Variants in VPS37A observed in about 807,000 individuals in gnomAD.
VPS37A encodes the protein VPS37A subunit of ESCRT-I, also known as vacuolar protein sorting-associated protein 37A.
Under a neutral mutation model 49.8 loss-of-function variants are expected in VPS37A, and 30 were observed. That is an observed-to-expected ratio of 0.60 (90% confidence interval 0.45 to 0.82). VPS37A has a LOEUF of 0.82. Among genes scored for constraint, VPS37A ranks in the 40% least tolerant of loss-of-function variants. VPS37A has a pLI of 0.00. For synonymous variants in VPS37A, 195 were observed against 160.6 expected (o/e 1.21, Z -1.62); for missense variants, 593 against 464.4 (o/e 1.28, Z -2.55).
At chr8:17,249,034 G>T (rs1811733454) in intron 1 of VPS37A, among the ~76,000 whole-genome samples, 2 of 152,150 alleles carry the variant, frequency 1.3e-5, no homozygotes, top group African/African-American at 2.4e-5. Flanking sequence ...TACCAAACCA[G>T]TCCTGCTATT....
chr8:17,302,675 C>T (rs556050114), downstream of VPS37A, among the ~76,000 whole-genome samples: 1 of 116,628 alleles, frequency 8.6e-6, no homozygotes, highest in Non-Finnish European at 1.7e-5. Context: ...ATCACGACCA[C>T]TAAAAGTTGA....
downstream of VPS37A, among the ~76,000 whole-genome samples, chr8:17,306,453 C>G (rs964550198): frequency 7.9e-5 from 12 of 151,950 alleles, no homozygotes; most frequent in Non-Finnish European, 1.3e-4. Context: ...GCGGTTAAAG[C>G]TTATCACGTG....
At chr8:17,309,287 A>G in the VPS37A span, 1 of 1,549,322 alleles carries the variant, frequency 6.5e-7, no homozygotes, top group South Asian at 1.1e-5. Flanking sequence ...CGGTGATTAA[A>G]CTTATGACCA....
At chr8:17,303,957 T>G (rs902312162), downstream of VPS37A, among the ~76,000 whole-genome samples, 1 of 152,204 alleles carries the variant, frequency 6.6e-6, no homozygotes, top group Non-Finnish European at 1.5e-5. Flanking sequence ...ATTACGTTGG[T>G]GCAAAAGTAA....
At chr8:17,310,159 G>A in the VPS37A span, among the ~76,000 whole-genome samples, 1 of 151,854 alleles carries the variant, frequency 6.6e-6, no homozygotes. Context: ...CACCACACCT[G>A]GCTAATTTTT....
chr8:17,255,910 T>C (rs1323536697), intron 1 of VPS37A, among the ~76,000 whole-genome samples: 1 of 152,244 alleles, frequency 6.6e-6, no homozygotes, highest in African/African-American at 2.4e-5. Flanking sequence ...TTGTGTATTA[T>C]GCCACATTTT....
chr8:17,306,451 A>G (rs1265163144), downstream of VPS37A, among the ~76,000 whole-genome samples: 1 of 152,074 alleles, frequency 6.6e-6, no homozygotes, highest in Non-Finnish European at 1.5e-5. Context: ...AAGCGGTTAA[A>G]GCTTATCACG....
At chr8:17,260,949 C>A (rs1238093561) in intron 1 of VPS37A, among the ~76,000 whole-genome samples, 1 of 152,058 alleles carries the variant, frequency 6.6e-6, no homozygotes, top group Admixed American at 6.5e-5. Flanking sequence ...CTAGGAGTAG[C>A]CTTATTTGTG....
chr8:17,297,827 A>C lies in VPS37A; in HGVS notation c.*2841A>C, dbSNP rs1458551528. ...AGCAATAAATGTAACCTTTTATATA[A>C]ATCTCAGTGCTAGGTTAACTTCTAA... On this transcript the variant is annotated 3_prime_UTR_variant, in exon 12 of 12. Coordinates refer to ENST00000324849, the MANE Select transcript of VPS37A (RefSeq NM_152415.3). 6.7e-6 allele frequency: 1 copy of C among 149,360 alleles called. No individual in the cohort carries two copies. The highest frequency in any genetic ancestry group is 2.5e-5 in the African/African-American group (1 of 40,268). The allele number at this position is 149,360 out of a possible 1,614,324, so 9.3% of individuals were successfully genotyped here.
chr8:17,273,785 A>C (rs1814240186), intron 4 of VPS37A, among the ~76,000 whole-genome samples: 1 of 152,076 alleles, frequency 6.6e-6, no homozygotes, highest in Non-Finnish European at 1.5e-5. Flanking sequence ...ATTTAAAAAA[A>C]ATGTTTTCTT....
At chr8:17,272,090 G>T (rs961773195) in intron 4 of VPS37A, 1 of 456,428 alleles carries the variant, frequency 2.2e-6, no homozygotes, top group Non-Finnish European at 4.4e-6. Context: ...CCATATTATT[G>T]CATGCAGCAG....
intron 1 of VPS37A, among the ~76,000 whole-genome samples, chr8:17,252,319 T>A (rs941352548): frequency 2.0e-5 from 3 of 151,986 alleles, no homozygotes; most frequent in African/African-American, 7.2e-5. Flanking sequence ...GCCTGGCTCA[T>A]AAGTTTAATT....
At chr8:17,302,693 A>G (rs139018964), downstream of VPS37A, among the ~76,000 whole-genome samples, 26 of 73,796 alleles carry the variant, frequency 3.5e-4, no homozygotes, top group African/African-American at 1.1e-3. Flanking sequence ...TGACATTTGC[A>G]TTGGCAATAA....
At chr8:17,289,983 C>G (rs900833519) in intron 11 of VPS37A, among the ~76,000 whole-genome samples, 6 of 151,894 alleles carry the variant, frequency 4.0e-5, no homozygotes, top group Admixed American at 3.3e-4. Context: ...TGGGAGTTCA[C>G]TCATGATTTG....
chr8:17,313,126 C>T, the VPS37A span, among the ~76,000 whole-genome samples: 4 of 152,184 alleles, frequency 2.6e-5, no homozygotes, highest in African/African-American at 9.7e-5. Flanking sequence ...TGTATTCTTT[C>T]GCAAAATCAT....
the VPS37A span, chr8:17,309,357 G>A: frequency 0.27 from 391,335 of 1,462,212 alleles, 57,592 homozygotes; most frequent in Non-Finnish European, 0.31. Context: ...ATATCTTGGA[G>A]AGAAGCAAAC....
chr8:17,275,076 A>G, intron 5 of VPS37A, 118 bp downstream of exon 5: 1 of 962,756 alleles, frequency 1.0e-6, no homozygotes, highest in South Asian at 1.7e-5. Flanking sequence ...TGAAAAGATG[A>G]ACTCACATTT....
chr8:17,255,147 T>G (rs1200545674), intron 1 of VPS37A, among the ~76,000 whole-genome samples: 1 of 152,166 alleles, frequency 6.6e-6, no homozygotes, highest in Non-Finnish European at 1.5e-5. Flanking sequence ...CTGAGTCTTA[T>G]GAAATCAAAC....
the VPS37A span, among the ~76,000 whole-genome samples, chr8:17,333,390 T>C: frequency 1.2e-4 from 19 of 152,364 alleles, no homozygotes; most frequent in East Asian, 2.1e-3. Flanking sequence ...TAATTATTTT[T>C]CAAAGATGTT....
Sources: allele counts gnomAD v4.1 joint callset (sites outside exome capture counted in the v4.1 genomes callset), GRCh38; gene constraint gnomAD v4.1.1; transcripts MANE v1.5; gene names NCBI Gene and HGNC (gene_info 2026-07-23, HGNC 2026-07-21).